The following RANBP2 variants were observed in gnomAD, a reference collection of about 807,000 sequenced individuals.
RANBP2 encodes E3 SUMO-protein ligase RanBP2.
In RANBP2, 57 loss-of-function variants were observed where a neutral mutation model predicts 303.6. The observed-to-expected ratio is 0.19, with a 90% CI of 0.15 to 0.23. The LOEUF (loss-of-function observed/expected upper bound fraction) is 0.23. Ranked by LOEUF, RANBP2 falls within the 10% of genes least tolerant of loss-of-function variation. RANBP2 has a pLI of 1.00. For missense variants in RANBP2, 3,138 were observed against 3,780.8 expected (o/e 0.83, Z 4.46); for synonymous variants, 1,167 against 1,301.5 (o/e 0.90, Z 2.23).
At chr2:109,707,795 C>T in the RANBP2 span, among the ~76,000 whole-genome samples, 2 of 152,234 alleles carry the variant, frequency 1.3e-5, no homozygotes, top group African/African-American at 2.4e-5. Flanking sequence ...TTCTCTCTTT[C>T]AACCACACCA....
chr2:108,786,995 G>T (rs1238100629), downstream of RANBP2: 5 of 993,098 alleles, frequency 5.0e-6, no homozygotes, highest in African/African-American at 3.5e-5. Flanking sequence ...CAGCCGGCCT[G>T]GGGGCGCGCA....
the RANBP2 span, among the ~76,000 whole-genome samples, chr2:109,146,498 T>C: frequency 6.6e-6 from 1 of 152,126 alleles, no homozygotes; most frequent in Non-Finnish European, 1.5e-5. Flanking sequence ...GAATGTTCAA[T>C]GGCAGGAGGA....
chr2:108,848,158 A>G, the RANBP2 span, among the ~76,000 whole-genome samples: 14 of 152,250 alleles, frequency 9.2e-5, no homozygotes, highest in African/African-American at 2.9e-4. Flanking sequence ...TTAATCATTT[A>G]TCATTTAACT....
the RANBP2 span, among the ~76,000 whole-genome samples, chr2:108,940,921 G>A: frequency 6.6e-6 from 1 of 152,182 alleles, no homozygotes; most frequent in Non-Finnish European, 1.5e-5. Flanking sequence ...ACATTTTCCA[G>A]TTACAGGTGG....
At chr2:108,821,385 A>G in the RANBP2 span, among the ~76,000 whole-genome samples, 1 of 152,200 alleles carries the variant, frequency 6.6e-6, no homozygotes, top group African/African-American at 2.4e-5. Context: ...TGATATCAGT[A>G]ACATAAAGTG....
At chr2:109,645,595 G>A in the RANBP2 span, among the ~76,000 whole-genome samples, 1 of 152,178 alleles carries the variant, frequency 6.6e-6, no homozygotes, top group African/African-American at 2.4e-5. Flanking sequence ...TCTGAAGCTT[G>A]GATTCCTGAG....
the RANBP2 span, among the ~76,000 whole-genome samples, chr2:109,076,365 T>C: frequency 8.0e-5 from 12 of 150,726 alleles, no homozygotes; most frequent in African/African-American, 2.2e-4. Context: ...AGCTTTTCCT[T>C]TCTTGGTCTC....
At chr2:108,719,703 C>G in intron 1 of RANBP2, 25 bp downstream of exon 1, 1 of 1,580,092 alleles carries the variant, frequency 6.3e-7, no homozygotes, top group South Asian at 1.2e-5. Flanking sequence ...AAGAGACCGA[C>G]GGCCTCGACC....
the RANBP2 span, among the ~76,000 whole-genome samples, chr2:109,428,511 G>T: frequency 3.3e-5 from 5 of 152,174 alleles, no homozygotes; most frequent in African/African-American, 1.2e-4. Flanking sequence ...GGTGTGGTGA[G>T]CCCCTGGCCC....
the RANBP2 span, chr2:108,816,045 T>C: frequency 3.7e-6 from 6 of 1,613,652 alleles, no homozygotes; most frequent in Non-Finnish European, 4.2e-6. Context: ...GAATGGATGG[T>C]AAAAAACCAC....
At chr2:109,384,752 A>G in the RANBP2 span, among the ~76,000 whole-genome samples, 1 of 152,054 alleles carries the variant, frequency 6.6e-6, no homozygotes, top group Non-Finnish European at 1.5e-5. Flanking sequence ...AGCCTTCTAG[A>G]CTAAAAGTTT....
the RANBP2 span, among the ~76,000 whole-genome samples, chr2:109,563,676 A>G: frequency 6.6e-6 from 1 of 152,360 alleles, no homozygotes; most frequent in Admixed American, 6.5e-5. Flanking sequence ...TAAAATTCTT[A>G]TAACTACACT....
chr2:109,729,598 C>T, the RANBP2 span, among the ~76,000 whole-genome samples: 234 of 152,034 alleles, frequency 1.5e-3, no homozygotes, highest in African/African-American at 5.5e-3. Context: ...TGCAGTGAGC[C>T]GAAATCACGC....
chr2:108,845,166 A>T, the RANBP2 span, among the ~76,000 whole-genome samples: 1 of 152,222 alleles, frequency 6.6e-6, no homozygotes, highest in African/African-American at 2.4e-5. Context: ...TATTGTAAGT[A>T]GAGTTTTGAA....
intron 1 of RANBP2, among the ~76,000 whole-genome samples, chr2:108,721,993 C>T: frequency 6.6e-6 from 1 of 151,682 alleles, no homozygotes. Flanking sequence ...CCGCCTTGGC[C>T]CCAAGTGCTG....
chr2:109,139,070 T>A, the RANBP2 span, among the ~76,000 whole-genome samples: 1 of 152,256 alleles, frequency 6.6e-6, no homozygotes, highest in Non-Finnish European at 1.5e-5. Flanking sequence ...CAGCTTATTT[T>A]ATTTATCAAA....
chr2:109,778,420 G>A, the RANBP2 span, among the ~76,000 whole-genome samples: 3 of 149,514 alleles, frequency 2.0e-5, no homozygotes, highest in East Asian at 2.0e-4. Context: ...TTGTTTCTCC[G>A]TATAAATCTT....
chr2:109,030,637 C>T, the RANBP2 span, among the ~76,000 whole-genome samples: 1 of 152,200 alleles, frequency 6.6e-6, no homozygotes, highest in Admixed American at 6.5e-5. Flanking sequence ...TAGAATTGTA[C>T]TTTCCTGAGT....
the RANBP2 span, chr2:109,794,584 GGGC>G: frequency 2.7e-3 from 2,323 of 854,262 alleles, 23 homozygotes; most frequent in African/African-American, 0.017. Context: ...CCCGGCCGGG[GGGC>G]GGCGGCGGCG....
Sources: allele counts gnomAD v4.1 joint callset (sites outside exome capture counted in the v4.1 genomes callset), GRCh38; gene constraint gnomAD v4.1.1; transcripts MANE v1.5; gene names NCBI Gene and HGNC (gene_info 2026-07-23, HGNC 2026-07-21).